The following ENOX1 variants were observed in gnomAD, a reference collection of about 807,000 sequenced individuals.
ENOX1 encodes ecto-NOX disulfide-thiol exchanger 1, also known as candidate growth-related and time keeping constitutive hydroquinone (NADH) oxidase.
A neutral mutation model predicts 82.5 loss-of-function variants in ENOX1; 42 were observed. That is an observed-to-expected ratio of 0.51 (90% CI 0.40 to 0.66). ENOX1 has a LOEUF of 0.66. Ranked by LOEUF, ENOX1 falls within the 30% of genes least tolerant of loss-of-function variation. The pLI, the probability that ENOX1 is intolerant of heterozygous loss-of-function variation, is 0.00. For synonymous variants in ENOX1, 271 were observed against 282.2 expected, an observed-to-expected ratio of 0.96 and a Z score of 0.40; for missense variants, 608 against 811.6, an observed-to-expected ratio of 0.75 and a Z score of 3.05.
At chr13:43,293,908 A>G (rs11617022) in intron 12 of ENOX1, among the ~76,000 whole-genome samples, 2 of 152,224 alleles carry the variant, frequency 1.3e-5, no homozygotes, top group Non-Finnish European at 2.9e-5. Flanking sequence ...TTAACAATGC[A>G]TACACAGAAA....
chr13:43,551,072 C>T (rs2079174773), intron 2 of ENOX1, among the ~76,000 whole-genome samples: 1 of 152,052 alleles, frequency 6.6e-6, no homozygotes, highest in South Asian at 2.1e-4. Flanking sequence ...TTGCATAACT[C>T]TTAAAAAGAT....
chr13:43,559,021 C>T (rs989868931), intron 2 of ENOX1, among the ~76,000 whole-genome samples: 4 of 152,148 alleles, frequency 2.6e-5, no homozygotes, highest in African/African-American at 9.7e-5. Context: ...ACTCGGCTTC[C>T]ATAACAAAAA....
chr13:43,355,458 C>T (rs1390200585), intron 8 of ENOX1, among the ~76,000 whole-genome samples: 1 of 152,166 alleles, frequency 6.6e-6, no homozygotes, highest in Non-Finnish European at 1.5e-5. Flanking sequence ...GCTGTTTTGC[C>T]TGAAGAAGGC....
At chr13:43,299,877 C>T (rs1593791482) in intron 11 of ENOX1, among the ~76,000 whole-genome samples, 2 of 152,204 alleles carry the variant, frequency 1.3e-5, no homozygotes, top group African/African-American at 2.4e-5. Flanking sequence ...CCCCGCTCCC[C>T]GTGTCAGAGG....
chr13:43,496,389 A>G (rs1055091572), intron 2 of ENOX1, among the ~76,000 whole-genome samples: 16 of 143,194 alleles, frequency 1.1e-4, no homozygotes, highest in African/African-American at 3.6e-4. Context: ...TTCTTTTTCT[A>G]TTTTTTTTTT....
intron 2 of ENOX1, among the ~76,000 whole-genome samples, chr13:43,573,346 C>T (rs903660): frequency 0.38 from 57,124 of 152,006 alleles, 11,691 homozygotes; most frequent in East Asian, 0.77. Flanking sequence ...CCCACATGCC[C>T]TTATTCCCAT....
At chr13:43,579,983 G>C (rs1309836546) in intron 2 of ENOX1, among the ~76,000 whole-genome samples, 1 of 152,128 alleles carries the variant, frequency 6.6e-6, no homozygotes, top group Non-Finnish European at 1.5e-5. Context: ...GGTAGGGGTA[G>C]GGTGGTGAGG....
At chr13:43,323,505 C>T (rs2047930547) in intron 10 of ENOX1, among the ~76,000 whole-genome samples, 1 of 152,140 alleles carries the variant, frequency 6.6e-6, no homozygotes, top group African/African-American at 2.4e-5. Flanking sequence ...ACTACTGTGC[C>T]TAAAATCTGA....
At chr13:43,302,675 A>C (rs532803557) in intron 11 of ENOX1, among the ~76,000 whole-genome samples, 1 of 152,178 alleles carries the variant, frequency 6.6e-6, no homozygotes, top group Non-Finnish European at 1.5e-5. Context: ...ATTCTTTACT[A>C]GATTCTATAT....
At chr13:43,294,942 C>T (rs963762394) in intron 12 of ENOX1, among the ~76,000 whole-genome samples, 1 of 152,128 alleles carries the variant, frequency 6.6e-6, no homozygotes, top group Non-Finnish European at 1.5e-5. Context: ...GGGTAGAAAA[C>T]AGAGCAGTGG....
At chr13:43,734,653 C>T (rs1014411940) in intron 1 of ENOX1, among the ~76,000 whole-genome samples, 5 of 152,230 alleles carry the variant, frequency 3.3e-5, no homozygotes, top group South Asian at 2.1e-4. Context: ...CTTCAACATC[C>T]GTGGGTATGA....
chr13:43,694,464 TCA>T (rs896160484), intron 1 of ENOX1, among the ~76,000 whole-genome samples: 5 of 152,218 alleles, frequency 3.3e-5, no homozygotes, highest in African/African-American at 1.2e-4. Context: ...GCCAGGACAC[TCA>T]CACAATGCAA....
chr13:43,707,261 C>G (rs2087356183), intron 1 of ENOX1, among the ~76,000 whole-genome samples: 2 of 151,912 alleles, frequency 1.3e-5, no homozygotes, highest in Admixed American at 1.3e-4. Context: ...GAATAAAGAC[C>G]TATGTAAATG....
intron 1 of ENOX1, among the ~76,000 whole-genome samples, chr13:43,771,840 CT>C (rs1566907850): frequency 6.6e-6 from 1 of 151,634 alleles, no homozygotes; most frequent in Non-Finnish European, 1.5e-5. Context: ...TCTTGGCTCA[CT>C]GCAAGCTCCA....
chr13:43,581,040 C>T (rs915850747), intron 2 of ENOX1, among the ~76,000 whole-genome samples: 1 of 150,408 alleles, frequency 6.6e-6, no homozygotes, highest in Non-Finnish European at 1.5e-5. Context: ...ATTTGCTATA[C>T]CTTGTATTCT....
At chr13:43,525,470 C>G (rs2077948559) in intron 2 of ENOX1, among the ~76,000 whole-genome samples, 1 of 152,120 alleles carries the variant, frequency 6.6e-6, no homozygotes, top group African/African-American at 2.4e-5. Context: ...CAAGGTTCAT[C>G]CATGTTGGTT....
At chr13:43,612,975 T>C (rs1444918058) in intron 2 of ENOX1, among the ~76,000 whole-genome samples, 2 of 152,150 alleles carry the variant, frequency 1.3e-5, no homozygotes, top group Non-Finnish European at 1.5e-5. Context: ...ATCAAAAAAT[T>C]TGATATTTGA....
At chr13:43,335,695 A>T (rs2048659239) in intron 9 of ENOX1, among the ~76,000 whole-genome samples, 1 of 151,872 alleles carries the variant, frequency 6.6e-6, no homozygotes, top group Non-Finnish European at 1.5e-5. Context: ...TGGTATTATT[A>T]AAGATTTTTT....
intron 1 of ENOX1, among the ~76,000 whole-genome samples, chr13:43,712,030 T>C (rs2087757277): frequency 1.3e-5 from 2 of 151,636 alleles, no homozygotes; most frequent in Non-Finnish European, 2.9e-5. Flanking sequence ...GCCTAGGTTT[T>C]CTTCTAGGTT....
Sources: gnomAD v4.1 joint callset for allele counts (sites outside exome capture counted in the v4.1 genomes callset) on GRCh38, gnomAD v4.1.1 for gene constraint, MANE v1.5 for transcripts, NCBI Gene and HGNC (gene_info 2026-07-23, HGNC 2026-07-21) for gene names.